The following MEIS2 variants were observed in gnomAD, a reference collection of about 807,000 sequenced individuals.
MEIS2 encodes the protein homeobox protein Meis2.
In MEIS2, 9 loss-of-function variants were observed where a neutral mutation model predicts 58.6. That is an observed-to-expected ratio of 0.15 (90% CI 0.09 to 0.27). MEIS2 has a LOEUF of 0.27. MEIS2 is among the 10% of genes least tolerant of loss of function. The pLI is 1.00. For missense variants in MEIS2, 427 were observed against 635.0 expected (o/e 0.67, Z 3.52); for synonymous variants, 221 against 228.4 (o/e 0.97, Z 0.29).
chr15:36,913,766 C>A (rs1276508297), intron 9 of MEIS2, among the ~76,000 whole-genome samples: 2 of 151,864 alleles, frequency 1.3e-5, no homozygotes, highest in Non-Finnish European at 2.9e-5. Context: ...TTTTTTCCTC[C>A]TAAGCACACA....
At chr15:37,080,976 A>G (rs1596092459) in intron 7 of MEIS2, among the ~76,000 whole-genome samples, 1 of 152,210 alleles carries the variant, frequency 6.6e-6, no homozygotes, top group Non-Finnish European at 1.5e-5. Flanking sequence ...GTGTAACTGT[A>G]GCTGTTTCAC....
intron 11 of MEIS2, 148 bp from the exon 12 acceptor site, chr15:36,892,607 T>G: frequency 1.4e-6 from 1 of 730,036 alleles, no homozygotes; most frequent in Non-Finnish European, 2.2e-6. Context: ...TGCCAATGTT[T>G]GCAGACATTC....
intron 9 of MEIS2, among the ~76,000 whole-genome samples, chr15:36,906,799 C>A (rs2056764855): frequency 6.6e-6 from 1 of 152,088 alleles, no homozygotes; most frequent in Non-Finnish European, 1.5e-5. Context: ...CTGCTGGCTA[C>A]CTCCAAAAAA....
intron 6 of MEIS2, among the ~76,000 whole-genome samples, chr15:37,087,505 A>G (rs769504058): frequency 2.6e-5 from 4 of 152,200 alleles, no homozygotes; most frequent in Non-Finnish European, 4.4e-5. Flanking sequence ...TAGTGGGGCC[A>G]CAGGAGAGCG....
intron 9 of MEIS2, among the ~76,000 whole-genome samples, chr15:36,907,970 T>C (rs1395322456): frequency 6.6e-6 from 1 of 152,174 alleles, no homozygotes; most frequent in Non-Finnish European, 1.5e-5. Flanking sequence ...AAACTCACTT[T>C]AAATAAATTA....
intron 7 of MEIS2, among the ~76,000 whole-genome samples, chr15:37,075,130 A>T (rs927616089): frequency 6.6e-6 from 1 of 152,014 alleles, no homozygotes; most frequent in African/African-American, 2.4e-5. Flanking sequence ...TCCTGAGTCC[A>T]TGAGAACTAT....
At chr15:36,897,818 A>C (rs142830908) in intron 9 of MEIS2, 79 of 152,218 alleles carry the variant, frequency 5.2e-4, no homozygotes, top group African/African-American at 1.7e-3. Flanking sequence ...GCACAGGGGG[A>C]CTTCATGATT....
intron 8 of MEIS2, among the ~76,000 whole-genome samples, chr15:36,962,361 C>A (rs1407141049): frequency 6.6e-6 from 1 of 152,106 alleles, no homozygotes; most frequent in African/African-American, 2.4e-5. Flanking sequence ...GCTTCCAGGA[C>A]TCCCTCAGAC....
chr15:37,002,846 A>T (rs2060782469), intron 8 of MEIS2, among the ~76,000 whole-genome samples: 1 of 152,184 alleles, frequency 6.6e-6, no homozygotes, highest in Admixed American at 6.5e-5. Context: ...TAAAGTTTTT[A>T]TTCTTTTTAT....
intron 9 of MEIS2, among the ~76,000 whole-genome samples, chr15:36,923,947 T>G (rs750102599): frequency 6.6e-6 from 1 of 152,188 alleles, no homozygotes; most frequent in Non-Finnish European, 1.5e-5. Context: ...AACCTTTCTA[T>G]CCTCTTCAAT....
Position 37,093,536 on chromosome 15 carries a change from T to A in MEIS2, c.639+45A>T, listed in dbSNP as rs370575494. 1.9e-6 allele frequency: 3 copies of A among 1,606,272 alleles called. No individual in the cohort carries two copies. In the African/African-American group the frequency reaches 4.0e-5, roughly 22 times the overall value. ...TGTTAAAACAAGGTTAAAATAATGC[T>A]TTGCCCAGTGGCCTTAAAAGATTGC... On this transcript the variant is annotated intron_variant, in intron 6 of 11. Coordinates refer to ENST00000561208, the MANE Select transcript of MEIS2 (RefSeq NM_170675.5).
rs577645690 is a variant in MEIS2, at chr15:37,021,797, A to G, written c.900+15017T>C. On this transcript the variant is annotated intron_variant, in intron 8 of 11. Transcript: ENST00000561208. ...TATAAAAAGTAAAAATGTCACCTAGATCTCCCTACCCAAGGATAATCATTC... is the reference window on the plus strand; with the variant it reads ...TATAAAAAGTAAAAATGTCACCTAGGTCTCCCTACCCAAGGATAATCATTC... Among the ~76,000 whole-genome samples, 3 of 152,288 alleles carry G rather than the reference A, an allele frequency of 2.0e-5. No individual in the cohort carries two copies. The East Asian group carries it at 5.8e-4, about 29-fold the overall frequency.
intron 8 of MEIS2, among the ~76,000 whole-genome samples, chr15:36,971,814 A>G (rs777313685): frequency 6.6e-6 from 1 of 152,214 alleles, no homozygotes; most frequent in Non-Finnish European, 1.5e-5. Context: ...TACATTCTTC[A>G]TAAAGGGAGA....
chr15:36,939,290 C>T lies in MEIS2; in HGVS notation c.977+11034G>A, dbSNP rs576068611. 2.0e-4 allele frequency among the ~76,000 whole-genome samples: 30 copies of T among 152,246 alleles called. 1 individual carries two copies. In the East Asian group the frequency reaches 2.3e-3, roughly 12 times the overall value. ...CATACCTACTAAGAGTTATACACTG[C>T]GGTTCTGAATAATCCCTTTGTCACA... On this transcript the variant is annotated intron_variant, in intron 9 of 11. Coordinates refer to ENST00000561208, the MANE Select transcript of MEIS2 (RefSeq NM_170675.5).
At chr15:37,055,758 C>A (rs1888315262) in intron 7 of MEIS2, among the ~76,000 whole-genome samples, 1 of 152,132 alleles carries the variant, frequency 6.6e-6, no homozygotes, top group East Asian at 1.9e-4. Flanking sequence ...TGCAACAACT[C>A]CACCCCTTTC....
In MEIS2 at chr15:36,891,045, T is replaced by TTTA. The variant is rs1437848565; in HGVS notation, c.*1125_*1127dup. 6.7e-6 allele frequency: 1 copy of TTTA among 150,108 alleles called. No homozygotes were observed. Among genetic ancestry groups the TTTA allele is most frequent in the Non-Finnish European group, 1.5e-5 (1 of 67,676 alleles). The allele number at this position is 150,108 out of a possible 1,614,324, so 9.3% of individuals were successfully genotyped here. A position where few individuals can be genotyped will look rare whatever the true frequency, so the allele number is the denominator to read the frequency against. Reference sequence around the variant, plus strand: ...CTAACAAAAAATCAAAAATGAAATATTTATTACCGCTTTTTGTGACTTAAC... The same window carrying TTTA: ...CTAACAAAAAATCAAAAATGAAATATTTATTATTACCGCTTTTTGTGACTTAAC... On this transcript the variant is annotated 3_prime_UTR_variant, in exon 12 of 12. Coordinates refer to ENST00000561208, the MANE Select transcript of MEIS2 (RefSeq NM_170675.5).
chr15:36,971,536 TTAAAAAAAA>T (rs1323221605), intron 8 of MEIS2, among the ~76,000 whole-genome samples: 13 of 65,422 alleles, frequency 2.0e-4, no homozygotes, highest in Middle Eastern at 0.012. Context: ...CCTTGTTACA[TTAAAAAAAA>T]AAAAAAAAAA....
intron 7 of MEIS2, among the ~76,000 whole-genome samples, chr15:37,061,322 G>A (rs1240051290): frequency 6.6e-6 from 1 of 152,216 alleles, no homozygotes; most frequent in African/African-American, 2.4e-5. Context: ...TATACCAGGT[G>A]CCCTAAGAGA....
intron 9 of MEIS2, among the ~76,000 whole-genome samples, chr15:36,948,683 C>T (rs1450778224): frequency 6.6e-6 from 1 of 152,056 alleles, no homozygotes; most frequent in African/African-American, 2.4e-5. Context: ...GCAGAGCAAA[C>T]AAGTCTCCTG....
Sources: allele counts gnomAD v4.1 joint callset (sites outside exome capture counted in the v4.1 genomes callset), GRCh38; gene constraint gnomAD v4.1.1; transcripts MANE v1.5; gene names NCBI Gene and HGNC (gene_info 2026-07-23, HGNC 2026-07-21).